HDX: variants seen among roughly 807,000 people sequenced by gnomAD.
HDX encodes highly divergent homeobox.
Under a neutral mutation model 45.2 loss-of-function variants are expected in HDX, and 19 were observed. The ratio of observed to expected loss-of-function variants is 0.42; its 90% CI spans 0.29 to 0.62. The LOEUF (loss-of-function observed/expected upper bound fraction) is 0.62, where lower values mean the gene tolerates loss of function less well. HDX is among the 20% of genes least tolerant of loss of function. HDX has a pLI of 0.20. For missense variants in HDX, 532 were observed against 493.9 expected, an observed-to-expected ratio of 1.08 and a Z score of -0.73; for synonymous variants, 188 against 172.8, an observed-to-expected ratio of 1.09 and a Z score of -0.69.
intron 7 of HDX, among the ~76,000 whole-genome samples, chrX:84,342,285 T>C (rs1054055645): frequency 2.7e-5 from 3 of 111,624 alleles, no homozygotes; most frequent in Non-Finnish European, 5.7e-5. Flanking sequence ...AAATCTTGAA[T>C]GGATGTTGGG....
chrX:84,492,045 CTGT>C (rs1260032050), intron 1 of HDX, among the ~76,000 whole-genome samples: 1 of 111,100 alleles, frequency 9.0e-6, no homozygotes, highest in Non-Finnish European at 1.9e-5. Flanking sequence ...CTCCAGTACA[CTGT>C]TCCTCAAATT....
At chrX:84,343,822 A>C (rs1343693471) in intron 7 of HDX, among the ~76,000 whole-genome samples, 1 of 110,944 alleles carries the variant, frequency 9.0e-6, no homozygotes, top group Non-Finnish European at 1.9e-5. Flanking sequence ...AGCCCAATTA[A>C]ATACTTTGCA....
chrX:84,485,637 A>G (rs1333508543), intron 2 of HDX, among the ~76,000 whole-genome samples: 1 of 111,910 alleles, frequency 8.9e-6, no homozygotes, highest in Non-Finnish European at 1.9e-5. Context: ...GCCTCAAGTG[A>G]TCTGCCCTCC....
rs1556012085 is a variant in HDX, at chrX:84,417,218, GAGAA to G, written c.1305+23310_1305+23313del. Among the ~76,000 whole-genome samples the G allele has an allele frequency of 9.4e-3, 939 of 100,281 alleles. 5 individuals are homozygous for G. Among genetic ancestry groups the G allele is most frequent in the African/African-American group, 0.022 (589 of 27,324 alleles). The allele number at this position is 100,281 out of a possible 115,157, so 87.1% of individuals were successfully genotyped here. ...AAAGAAAGAAGAAAGAAAAAAAAGAGAGAAAGAAAGAAAGAAAGAAAGAAAGAAA... is the reference window on the plus strand; with the variant it reads ...AAAGAAAGAAGAAAGAAAAAAAAGAGAGAAAGAAAGAAAGAAAGAAAGAAA... On this transcript the variant is annotated intron_variant, in intron 5 of 10. Coordinates refer to ENST00000373177, the MANE Select transcript of HDX (RefSeq NM_001177479.2).
intron 5 of HDX, among the ~76,000 whole-genome samples, chrX:84,430,915 A>G (rs535918775): frequency 1.8e-5 from 2 of 109,444 alleles, no homozygotes; most frequent in Admixed American, 9.9e-5. Context: ...CACATTTGCT[A>G]TTTAGGTAAG....
At chrX:84,418,333 CAGAT>C (rs916245835) in intron 5 of HDX, among the ~76,000 whole-genome samples, 1 of 111,465 alleles carries the variant, frequency 9.0e-6, no homozygotes, top group African/African-American at 3.3e-5. Context: ...CAAAAGAAAA[CAGAT>C]AGACAACTGA....
At chrX:84,332,598 G>A (rs2036869034) in intron 9 of HDX, among the ~76,000 whole-genome samples, 1 of 110,924 alleles carries the variant, frequency 9.0e-6, no homozygotes, top group African/African-American at 3.3e-5. Flanking sequence ...CTTAACAGCT[G>A]TGCAATCTAG....
intron 4 of HDX, among the ~76,000 whole-genome samples, chrX:84,457,445 G>A (rs2040136196): frequency 9.0e-6 from 1 of 111,691 alleles, no homozygotes; most frequent in African/African-American, 3.2e-5. Flanking sequence ...ACAAAACATT[G>A]AAAACATAGT....
At chrX:84,329,516 T>A (rs999372021) in intron 9 of HDX, among the ~76,000 whole-genome samples, 7 of 111,683 alleles carry the variant, frequency 6.3e-5, no homozygotes, top group African/African-American at 2.3e-4. Flanking sequence ...GACTTATACA[T>A]CAATATTCAT....
intron 8 of HDX, among the ~76,000 whole-genome samples, chrX:84,334,479 ATTATCT>A (rs1243901223): frequency 9.1e-6 from 1 of 109,703 alleles, no homozygotes; most frequent in Non-Finnish European, 1.9e-5. Context: ...GACAGATTAA[ATTATCT>A]TTAGCTTTTA....
intron 1 of HDX, chrX:84,501,359 A>T (rs770103362): frequency 2.0e-4 from 22 of 111,463 alleles, no homozygotes; most frequent in Non-Finnish European, 3.6e-4. Flanking sequence ...ACCAAACTTG[A>T]TATGGAGACT....
intron 5 of HDX, among the ~76,000 whole-genome samples, chrX:84,394,172 C>A (rs2038506704): frequency 9.0e-6 from 1 of 110,966 alleles, no homozygotes; most frequent in South Asian, 3.7e-4. Context: ...TTCCTATATG[C>A]CATATGTTTA....
At chrX:84,430,971 C>T (rs2039493121) in intron 5 of HDX, among the ~76,000 whole-genome samples, 1 of 110,606 alleles carries the variant, frequency 9.0e-6, no homozygotes, top group Non-Finnish European at 1.9e-5. Flanking sequence ...TGTCACTCAG[C>T]GATAAGCATA....
At chrX:84,472,717 T>C (rs913777544) in intron 3 of HDX, among the ~76,000 whole-genome samples, 5 of 111,164 alleles carry the variant, frequency 4.5e-5, no homozygotes, top group Non-Finnish European at 9.4e-5. Context: ...TTGATTTCCA[T>C]AGTGAAAACC....
At chrX:84,477,576 A>G (rs1569367446) in intron 2 of HDX, among the ~76,000 whole-genome samples, 2 of 111,244 alleles carry the variant, frequency 1.8e-5, no homozygotes, top group Non-Finnish European at 3.8e-5. Context: ...CAAAAGATCT[A>G]CTATATTATA....
intron 5 of HDX, among the ~76,000 whole-genome samples, chrX:84,431,594 G>T: frequency 9.0e-6 from 1 of 111,058 alleles, no homozygotes; most frequent in Non-Finnish European, 1.9e-5. Context: ...TTTCTCTAAT[G>T]ATTATGAGCA....
In HDX at chrX:84,318,047, A is replaced by C. The variant is rs2147732034; in HGVS notation, c.*3842T>G. On this transcript the variant is annotated 3_prime_UTR_variant, in exon 11 of 11. Transcript: ENST00000373177. ...TTACTTAACAAGTTAATGCAAAATAAAATTTCAGTGTGGAGCAATATACAC... is the reference window on the plus strand; with the variant it reads ...TTACTTAACAAGTTAATGCAAAATACAATTTCAGTGTGGAGCAATATACAC... The C allele has an allele frequency of 9.0e-6, 1 of 111,141 alleles. No homozygotes were observed. The highest frequency in any genetic ancestry group is 9.6e-5 in the Admixed American group (1 of 10,467). 9.2% of individuals were successfully genotyped at this position (111,141 alleles called of 1,213,427 possible).
chrX:84,485,013 C>A (rs1481515431), intron 2 of HDX, among the ~76,000 whole-genome samples: 2 of 111,575 alleles, frequency 1.8e-5, no homozygotes, highest in African/African-American at 6.5e-5. Context: ...TTTCCAATTT[C>A]TCTTGTTTAC....
At chrX:84,493,206 A>G (rs533236248) in intron 1 of HDX, among the ~76,000 whole-genome samples, 1 of 112,389 alleles carries the variant, frequency 8.9e-6, no homozygotes, top group South Asian at 3.6e-4. Context: ...CTAGTGACAG[A>G]CATCTGTTTA....
Sources: gnomAD v4.1 joint callset for allele counts (sites outside exome capture counted in the v4.1 genomes callset) on GRCh38, gnomAD v4.1.1 for gene constraint, MANE v1.5 for transcripts, NCBI Gene and HGNC (gene_info 2026-07-23, HGNC 2026-07-21) for gene names.